The following PPP3CA variants were observed in gnomAD, a reference collection of about 807,000 sequenced individuals.
The protein encoded by PPP3CA is CAM-PRP catalytic subunit.
A neutral mutation model predicts 66.5 loss-of-function variants in PPP3CA; 14 were observed. The observed-to-expected ratio is 0.21, with a 90% confidence interval of 0.14 to 0.33. The LOEUF (loss-of-function observed/expected upper bound fraction) is 0.33. Ranked by LOEUF, PPP3CA falls within the 10% of genes least tolerant of loss-of-function variation. The pLI, the probability that PPP3CA is intolerant of heterozygous loss-of-function variation, is 1.00. For missense variants in PPP3CA, 317 were observed against 639.5 expected, an observed-to-expected ratio of 0.50 and a Z score of 5.44; for synonymous variants, 232 against 226.2, an observed-to-expected ratio of 1.03 and a Z score of -0.23.
At chr4:101,075,273 T>C (rs570666980) in intron 8 of PPP3CA, among the ~76,000 whole-genome samples, 41 of 152,328 alleles carry the variant, frequency 2.7e-4, no homozygotes, top group Admixed American at 1.1e-3. Flanking sequence ...ACTACTTTAA[T>C]ATTGAATTGG....
chr4:101,254,719 T>C (rs1304981107), intron 1 of PPP3CA, among the ~76,000 whole-genome samples: 2 of 151,820 alleles, frequency 1.3e-5, no homozygotes, highest in African/African-American at 4.8e-5. Flanking sequence ...GCAGTATTAA[T>C]TGACTCTTCC....
At chr4:101,106,453 GAGAA>G (rs1560605133) in intron 3 of PPP3CA, among the ~76,000 whole-genome samples, 1,343 of 35,518 alleles carry the variant, frequency 0.038, 378 homozygotes, top group South Asian at 0.11. Context: ...AAGAAAGAAA[GAGAA>G]AAGAAAAGAA....
At chr4:101,078,510 C>T (rs1234211562) in intron 8 of PPP3CA, among the ~76,000 whole-genome samples, 4 of 152,222 alleles carry the variant, frequency 2.6e-5, no homozygotes, top group Non-Finnish European at 4.4e-5. Context: ...AAATGTATTT[C>T]GTGTTTGACT....
chr4:101,065,580 C>T (rs1324555361), intron 8 of PPP3CA, among the ~76,000 whole-genome samples: 2 of 152,080 alleles, frequency 1.3e-5, no homozygotes, highest in Admixed American at 1.3e-4. Context: ...AATGGAGAAA[C>T]TTGCTCAAGA....
chr4:101,210,176 C>T (rs377196238), intron 1 of PPP3CA, among the ~76,000 whole-genome samples: 1 of 152,156 alleles, frequency 6.6e-6, no homozygotes, highest in Non-Finnish European at 1.5e-5. Context: ...TCAGTTACCC[C>T]GTCTGGATTA....
intron 3 of PPP3CA, 74 bp downstream of exon 3, chr4:101,108,880 A>T: frequency 2.1e-6 from 3 of 1,457,636 alleles, no homozygotes; most frequent in East Asian, 2.3e-5. Flanking sequence ...AGGCAATAAC[A>T]TTTACTGCTT....
At chr4:101,128,746 G>C (rs183952519) in intron 2 of PPP3CA, among the ~76,000 whole-genome samples, 1 of 152,048 alleles carries the variant, frequency 6.6e-6, no homozygotes, top group African/African-American at 2.4e-5. Context: ...CGGCCTTTGC[G>C]ACCCATAAAC....
At chr4:101,207,017 G>A (rs925658397) in intron 1 of PPP3CA, among the ~76,000 whole-genome samples, 2 of 152,018 alleles carry the variant, frequency 1.3e-5, no homozygotes, top group African/African-American at 4.8e-5. Context: ...TCAAAAGTGA[G>A]CAACAGATAG....
chr4:101,247,515 C>T (rs1726524975), intron 1 of PPP3CA, among the ~76,000 whole-genome samples: 2 of 152,072 alleles, frequency 1.3e-5, no homozygotes, highest in South Asian at 4.2e-4. Flanking sequence ...CTTCCTATGT[C>T]CCATTATACT....
At chr4:101,080,799 T>A (rs1387833893) in intron 7 of PPP3CA, among the ~76,000 whole-genome samples, 173 bp from the exon 8 acceptor site, 2 of 152,150 alleles carry the variant, frequency 1.3e-5, no homozygotes, top group Non-Finnish European at 2.9e-5. Context: ...CAGGTATTAA[T>A]ACATTTCAGG....
intron 2 of PPP3CA, among the ~76,000 whole-genome samples, chr4:101,153,995 A>G (rs1470748545): frequency 6.6e-6 from 1 of 152,268 alleles, no homozygotes; most frequent in Non-Finnish European, 1.5e-5. Context: ...TATTAAATAA[A>G]GCCCATGGCC....
In PPP3CA at chr4:101,027,262, GAA is replaced by G. The variant is rs79492334; in HGVS notation, c.1370-1203_1370-1202del. On this transcript the variant is annotated intron_variant, in intron 13 of 13. Coordinates refer to ENST00000394854, the MANE Select transcript of PPP3CA (RefSeq NM_000944.5). ...TATCCTCCCAACCTTATTTGGGGGG[GAA>G]AAAAAAAAAAAGGAAAGCAGTTTCA... is the stretch of plus-strand genomic sequence containing the variant. Among the ~76,000 whole-genome samples, 641 of 139,568 alleles carry G rather than the reference GAA, an allele frequency of 4.6e-3. 7 individuals are homozygous for G. The highest frequency in any genetic ancestry group is 0.014 in the African/African-American group (556 of 38,416). 91.6% of individuals were successfully genotyped at this position (139,568 alleles called of 152,430 possible).
In PPP3CA at chr4:101,280,274, T is replaced by G. The variant is rs1270029500; in HGVS notation, c.58+66465A>C. On this transcript the variant is annotated intron_variant, in intron 1 of 13. Coordinates refer to ENST00000394854, the MANE Select transcript of PPP3CA (RefSeq NM_000944.5). ...AGCAGACGTAAGGAGGTGGGGAGAC[T>G]AAGCCATGTGGGTATCTGGGAGAAA... 2.0e-5 allele frequency among the ~76,000 whole-genome samples: 3 copies of G among 152,246 alleles called. No homozygotes were observed. In the Middle Eastern group the frequency reaches 0.01, roughly 518 times the overall value.
chr4:101,175,334 T>C (rs1724025281), intron 2 of PPP3CA, among the ~76,000 whole-genome samples: 1 of 152,144 alleles, frequency 6.6e-6, no homozygotes. Flanking sequence ...CCAACTATAA[T>C]TGAATGAAAT....
rs879022972 is a variant in PPP3CA, at chr4:101,109,163, AT to A, written c.260-86del. 1.8e-3 allele frequency: 2,433 copies of A among 1,359,270 alleles called. 6 individuals are homozygous for A. Among genetic ancestry groups the A allele is most frequent in the Non-Finnish European group, 2.3e-3 (2,303 of 990,178 alleles). The allele number at this position is 1,359,270 out of a possible 1,614,324, so 84.2% of individuals were successfully genotyped here. On this transcript the variant is annotated intron_variant, in intron 2 of 13. Transcript: ENST00000394854. ...AAAATTACAAAATTTTAGAACCAGA[AT>A]TAATTTCAAGTTTATCTGAGCCAAA...
At chr4:101,029,110 C>T (rs1578385432) in intron 13 of PPP3CA, 56 bp downstream of exon 13, 3 of 1,508,744 alleles carry the variant, frequency 2.0e-6, no homozygotes, top group Admixed American at 1.7e-5. Context: ...AATGAATACA[C>T]CCAGCAGAGC....
At chr4:101,191,746 T>C (rs889266013) in intron 2 of PPP3CA, among the ~76,000 whole-genome samples, 3 of 152,152 alleles carry the variant, frequency 2.0e-5, no homozygotes, top group South Asian at 2.1e-4. Flanking sequence ...CTAATTGACG[T>C]CAGCTGCTGT....
At chr4:101,138,075 C>T (rs1578484785) in intron 2 of PPP3CA, among the ~76,000 whole-genome samples, 2 of 152,240 alleles carry the variant, frequency 1.3e-5, no homozygotes, top group South Asian at 2.1e-4. Flanking sequence ...CTCATCTGGG[C>T]AGAAATAAGC....
intron 1 of PPP3CA, among the ~76,000 whole-genome samples, chr4:101,200,631 C>A (rs1398045531): frequency 6.6e-6 from 1 of 152,016 alleles, no homozygotes; most frequent in East Asian, 1.9e-4. Flanking sequence ...CAAAATTATG[C>A]CAGGAAACAT....
Sources: allele counts gnomAD v4.1 joint callset (sites outside exome capture counted in the v4.1 genomes callset), GRCh38; gene constraint gnomAD v4.1.1; transcripts MANE v1.5; gene names NCBI Gene and HGNC (gene_info 2026-07-23, HGNC 2026-07-21).